The following SEC23B variants were observed in gnomAD, a reference collection of about 807,000 sequenced individuals.
The protein encoded by SEC23B is SEC23 homolog B, COPII component.
Under a neutral mutation model 104.3 loss-of-function variants are expected in SEC23B, and 77 were observed. The ratio of observed to expected loss-of-function variants is 0.74; its 90% CI spans 0.61 to 0.89. The LOEUF (loss-of-function observed/expected upper bound fraction) is 0.89, where lower values mean the gene tolerates loss of function less well. Ranked by LOEUF, SEC23B falls within the 40% of genes least tolerant of loss-of-function variation. The pLI, the probability that SEC23B is intolerant of heterozygous loss-of-function variation, is 0.00. For missense variants in SEC23B, 885 were observed against 949.4 expected, an observed-to-expected ratio of 0.93 and a Z score of 0.89; for synonymous variants, 338 against 332.5, an observed-to-expected ratio of 1.02 and a Z score of -0.18.
chr20:18,537,653 G>A (rs1382157994), intron 12 of SEC23B, among the ~76,000 whole-genome samples: 4 of 151,978 alleles, frequency 2.6e-5, no homozygotes, highest in East Asian at 1.9e-4. Context: ...GAGTTAATGG[G>A]TACAGCACAC....
intron 19 of SEC23B, among the ~76,000 whole-genome samples, chr20:18,560,097 T>TGC (rs2060477996): frequency 8.1e-3 from 1 of 124 alleles, no homozygotes; most frequent in Non-Finnish European, 0.029. Context: ...AGTGTATTAT[T>TGC]GTGTGTGTGT....
intron 14 of SEC23B, among the ~76,000 whole-genome samples, chr20:18,544,987 G>A (rs992052773): frequency 6.6e-6 from 1 of 151,284 alleles, no homozygotes; most frequent in African/African-American, 2.4e-5. Context: ...TAGGGTGGGA[G>A]AAAGTTTTTT....
At chr20:18,558,644 T>C (rs891574844) in intron 19 of SEC23B, among the ~76,000 whole-genome samples, 2 of 152,232 alleles carry the variant, frequency 1.3e-5, no homozygotes, top group African/African-American at 4.8e-5. Flanking sequence ...TCCAATGTAT[T>C]GATTCTTTTT....
At chr20:18,533,999 G>T (rs2060207574) in intron 11 of SEC23B, among the ~76,000 whole-genome samples, 1 of 152,166 alleles carries the variant, frequency 6.6e-6, no homozygotes, top group South Asian at 2.1e-4. Flanking sequence ...AGGATGCAAA[G>T]AATAGGAAAA....
At chr20:18,558,894 C>T (rs1227643951) in intron 19 of SEC23B, among the ~76,000 whole-genome samples, 2 of 152,136 alleles carry the variant, frequency 1.3e-5, no homozygotes, top group Admixed American at 6.5e-5. Flanking sequence ...TTGTTGTCAA[C>T]TTAGTGTTAA....
At chr20:18,527,741 A>G (rs1049856968) in intron 9 of SEC23B, 130 bp downstream of exon 9, 24 of 769,982 alleles carry the variant, frequency 3.1e-5, no homozygotes, top group Non-Finnish European at 5.2e-5. Flanking sequence ...CTATGGTTTC[A>G]GTGACTGGGG....
chr20:18,558,622 A>C (rs1365289548), intron 19 of SEC23B, among the ~76,000 whole-genome samples: 1 of 151,826 alleles, frequency 6.6e-6, no homozygotes, highest in Non-Finnish European at 1.5e-5. Flanking sequence ...GGTAACTTCT[A>C]TTGTTTTGTC....
At chr20:18,529,563 T>A (rs987267981) in intron 9 of SEC23B, among the ~76,000 whole-genome samples, 1 of 152,228 alleles carries the variant, frequency 6.6e-6, no homozygotes, top group African/African-American at 2.4e-5. Flanking sequence ...ACTAAGCTGC[T>A]CTACCACCAT....
chr20:18,540,289 G>T (rs2060275854), intron 12 of SEC23B, among the ~76,000 whole-genome samples: 1 of 152,198 alleles, frequency 6.6e-6, no homozygotes, highest in African/African-American at 2.4e-5. Flanking sequence ...GTGTTAGCAG[G>T]CATGAAAACG....
intron 6 of SEC23B, among the ~76,000 whole-genome samples, chr20:18,525,564 T>C (rs1600242183): frequency 1.3e-5 from 2 of 152,222 alleles, no homozygotes; most frequent in African/African-American, 4.8e-5. Context: ...AATTTTTTTT[T>C]CCGTGCAACA....
At position 18,521,498 on chromosome 20, in the gene SEC23B, G is replaced by C. The variant is rs745773650; in HGVS notation, c.367-2935G>C. Among the ~76,000 whole-genome samples the C allele has an allele frequency of 5.0e-4, 76 of 152,156 alleles. 1 individual carries two copies. The highest frequency in any genetic ancestry group is 1.5e-4 in the Non-Finnish European group (10 of 68,014). ...GGGAGAGGTCAGATAAAGAAAAAAG[G>C]AGCATTAAACTTGACTATGCCTTTA... is the stretch of plus-strand genomic sequence containing the variant. On this transcript the variant is annotated intron_variant, in intron 4 of 19. Transcript: ENST00000650089.
chr20:18,517,791 G>A (rs182540424), intron 4 of SEC23B, among the ~76,000 whole-genome samples: 2 of 152,302 alleles, frequency 1.3e-5, no homozygotes, highest in East Asian at 1.9e-4. Context: ...AGAATTATTG[G>A]TGATGGCCTG....
At chr20:18,524,192 T>C (rs932310513) in intron 4 of SEC23B, among the ~76,000 whole-genome samples, 1 of 152,228 alleles carries the variant, frequency 6.6e-6, no homozygotes, top group East Asian at 1.9e-4. Flanking sequence ...TGAAACAATG[T>C]CTAGCATGTA....
chr20:18,555,994 G>A (rs552059601), intron 19 of SEC23B, among the ~76,000 whole-genome samples: 7 of 151,348 alleles, frequency 4.6e-5, no homozygotes, highest in South Asian at 2.1e-4. Context: ...GACGGGAGAC[G>A]GTGACAGATC....
At chr20:18,518,386 A>G (rs550466143) in intron 4 of SEC23B, among the ~76,000 whole-genome samples, 2 of 152,264 alleles carry the variant, frequency 1.3e-5, no homozygotes, top group African/African-American at 4.8e-5. Context: ...TGTGTAAGGA[A>G]GGGAGGGGGC....
intron 9 of SEC23B, among the ~76,000 whole-genome samples, chr20:18,528,812 A>G (rs909298416): frequency 1.3e-5 from 2 of 152,156 alleles, no homozygotes; most frequent in Non-Finnish European, 2.9e-5. Flanking sequence ...CATCCCTTAG[A>G]TTGTATGCTA....
At position 18,551,184 on chromosome 20, in the gene SEC23B, ATAT is replaced by A. The variant is rs768072074; in HGVS notation, c.1992+15_1992+17del. ...TCATTTATCTTGGTGAGGTAAGATG[ATAT>A]TATTAATTAATTAATTTCTTTTTGT... On this transcript the variant is annotated intron_variant, in intron 17 of 19. Transcript: ENST00000650089. 1.4e-5 allele frequency: 19 copies of A among 1,401,654 alleles called. No individual in the cohort carries two copies. The highest frequency in any genetic ancestry group is 4.7e-5 in the South Asian group (4 of 84,980). The allele number at this position is 1,401,654 out of a possible 1,614,324, so 86.8% of individuals were successfully genotyped here. A position where few individuals can be genotyped will look rare whatever the true frequency, so the allele number is the denominator to read the frequency against.
intron 10 of SEC23B, among the ~76,000 whole-genome samples, chr20:18,532,057 G>A (rs975315931): frequency 6.6e-6 from 1 of 152,196 alleles, no homozygotes; most frequent in Admixed American, 6.5e-5. Flanking sequence ...CAGTTGGCGG[G>A]GCAGGTCAGG....
rs576409968 is a variant in SEC23B, at chr20:18,532,772, C to T, written c.1314+28C>T. ...AAGGAAAACAACTCCATCACCCTCACCTCCTGCCCCGGATTTAACCCGTCA... is the reference window on the plus strand; with the variant it reads ...AAGGAAAACAACTCCATCACCCTCATCTCCTGCCCCGGATTTAACCCGTCA... On this transcript the variant is annotated intron_variant, in intron 11 of 19. Transcript: ENST00000650089. The T allele has an allele frequency of 2.2e-5, 34 of 1,521,202 alleles. No individual in the cohort carries two copies. The African/African-American group carries it at 2.6e-4, about 12-fold the overall frequency. 94.2% of individuals were successfully genotyped at this position (1,521,202 alleles called of 1,614,324 possible). A position where few individuals can be genotyped will look rare whatever the true frequency, so the allele number is the denominator to read the frequency against.
Sources: gnomAD v4.1 joint callset for allele counts (sites outside exome capture counted in the v4.1 genomes callset) on GRCh38, gnomAD v4.1.1 for gene constraint, MANE v1.5 for transcripts, NCBI Gene and HGNC (gene_info 2026-07-23, HGNC 2026-07-21) for gene names.